The following PCDHGB1 variants were observed in gnomAD, a reference collection of about 807,000 sequenced individuals.
PCDHGB1 encodes the protein protocadherin gamma subfamily B, 1.
PCDHGB1 carries 34 observed loss-of-function variants against 56.6 expected under a neutral mutation model. That is an observed-to-expected ratio of 0.60 (90% CI 0.46 to 0.80). PCDHGB1 has a LOEUF of 0.80. PCDHGB1 is among the 30% of genes least tolerant of loss of function. The pLI, the probability that PCDHGB1 is intolerant of heterozygous loss-of-function variation, is 0.00. For synonymous variants in PCDHGB1, 561 were observed against 505.9 expected (o/e 1.11, Z -1.46); for missense variants, 1,278 against 1,204.6 (o/e 1.06, Z -0.90).
intron 1 of PCDHGB1, chr5:141,375,628 C>T (rs1771676563): frequency 1.4e-5 from 23 of 1,614,200 alleles, no homozygotes; most frequent in Non-Finnish European, 1.8e-5. Flanking sequence ...GGATTCTGTA[C>T]GCCCTGCGCT....
intron 1 of PCDHGB1, among the ~76,000 whole-genome samples, chr5:141,434,700 G>A (rs1041657389): frequency 6.6e-6 from 1 of 151,780 alleles, no homozygotes; most frequent in Non-Finnish European, 1.5e-5. Context: ...TAATAAATAT[G>A]TGGGTAAATC....
chr5:141,509,081 A>T (rs1279221589), intron 3 of PCDHGB1, among the ~76,000 whole-genome samples: 1 of 152,160 alleles, frequency 6.6e-6, no homozygotes, highest in Non-Finnish European at 1.5e-5. Context: ...GATTTGCGAC[A>T]TGAAATGGGG....
chr5:141,354,617 T>C (rs942305232), intron 1 of PCDHGB1, among the ~76,000 whole-genome samples: 1 of 152,238 alleles, frequency 6.6e-6, no homozygotes, highest in Non-Finnish European at 1.5e-5. Flanking sequence ...TGTCCCACTG[T>C]CTTTTCACTT....
At chr5:141,416,929 C>T (rs1184470714) in intron 1 of PCDHGB1, 1 of 151,960 alleles carries the variant, frequency 6.6e-6, no homozygotes. Flanking sequence ...TAGTTATTAA[C>T]TATTAAACCA....
At chr5:141,412,561 T>G (rs1183372771) in intron 1 of PCDHGB1, 3 of 152,184 alleles carry the variant, frequency 2.0e-5, no homozygotes, top group Admixed American at 6.5e-5. Context: ...TCTCATGAGT[T>G]TATTTAATAT....
intron 1 of PCDHGB1, chr5:141,403,387 C>T: frequency 6.2e-7 from 1 of 1,614,042 alleles, no homozygotes; most frequent in Non-Finnish European, 8.5e-7. Context: ...TTAACGAAAT[C>T]GCGGTTCCTG....
chr5:141,439,410 A>T (rs2098110832), intron 1 of PCDHGB1, among the ~76,000 whole-genome samples: 1 of 152,220 alleles, frequency 6.6e-6, no homozygotes, highest in African/African-American at 2.4e-5. Context: ...TGCTAACATC[A>T]CTGAGGTTAT....
rs777293240 is a variant in PCDHGB1, at chr5:141,393,034, T to A, written c.2409+40365T>A. The A allele has an allele frequency of 1.3e-5, 21 of 1,613,636 alleles. No homozygotes were observed. Among genetic ancestry groups the A allele is most frequent in the Admixed American group, 6.7e-5 (4 of 59,986 alleles). Reference sequence around the variant, plus strand: ...ATCGTCTCCAGAGGTAGGACGCAGCTCTTTGCTCTGAACCCGCGCAGCGGC... The same window carrying A: ...ATCGTCTCCAGAGGTAGGACGCAGCACTTTGCTCTGAACCCGCGCAGCGGC... On this transcript the variant is annotated intron_variant, in intron 1 of 3. Coordinates refer to ENST00000523390, the MANE Select transcript of PCDHGB1 (RefSeq NM_018922.3).
chr5:141,418,509 G>A, intron 1 of PCDHGB1: 1 of 1,613,986 alleles, frequency 6.2e-7, no homozygotes. Context: ...GCCTTAGATG[G>A]TGGGGACCCT....
At chr5:141,382,300 A>C (rs1428266380) in intron 1 of PCDHGB1, among the ~76,000 whole-genome samples, 1 of 152,240 alleles carries the variant, frequency 6.6e-6, no homozygotes, top group Non-Finnish European at 1.5e-5. Flanking sequence ...AATTAATTAA[A>C]ATTTATATAC....
At position 141,486,004 on chromosome 5, in the gene PCDHGB1, C is replaced by T; in HGVS notation, c.2410-8803C>T. The T allele has an allele frequency of 6.2e-7, 1 of 1,614,184 alleles. No homozygotes were observed. The highest frequency in any genetic ancestry group is 8.5e-7 in the Non-Finnish European group (1 of 1,180,008). The stretch of plus-strand genomic sequence containing the variant: ...CGGACCTGGGTCCCAGTGGTAACGT[C>T]ACCTTTTATTTCAGTGGTCATACCC... On this transcript the variant is annotated intron_variant, in intron 1 of 3. Coordinates refer to ENST00000523390, the MANE Select transcript of PCDHGB1 (RefSeq NM_018922.3). This position sits in a 1 kb window ranked among gnomAD's most constrained non-coding sequence, Gnocchi z 5.0.
Position 141,464,191 on chromosome 5 carries a change from G to C in PCDHGB1, c.2410-30616G>C, listed in dbSNP as rs185888723. Among the ~76,000 whole-genome samples, 583 of 151,818 alleles carry C rather than the reference G, an allele frequency of 3.8e-3. 6 individuals are homozygous for C. Among genetic ancestry groups the C allele is most frequent in the Admixed American group, 0.011 (166 of 15,202 alleles). On this transcript the variant is annotated intron_variant, in intron 1 of 3. Transcript: ENST00000523390. ...GAGGCAGGAGAATTGCTTGATTTCA[G>C]GAGGCGGAGATTGCAGTGAGCTGAG...
At chr5:141,383,733 A>T (rs770047743) in intron 1 of PCDHGB1, 2 of 1,613,886 alleles carry the variant, frequency 1.2e-6, no homozygotes, top group African/African-American at 2.7e-5. Context: ...GGGAAGTGAC[A>T]TATTCTTTTC....
At chr5:141,466,213 C>G (rs2099118871) in intron 1 of PCDHGB1, among the ~76,000 whole-genome samples, 1 of 151,958 alleles carries the variant, frequency 6.6e-6, no homozygotes, top group South Asian at 2.1e-4. Flanking sequence ...CTCTGTTACC[C>G]AGGCTGGAGT....
At chr5:141,457,560 G>A (rs1466753974) in intron 1 of PCDHGB1, among the ~76,000 whole-genome samples, 1 of 152,162 alleles carries the variant, frequency 6.6e-6, no homozygotes, top group African/African-American at 2.4e-5. Flanking sequence ...ATAAGCTTTG[G>A]AGCAAAATTT....
At position 141,356,674 on chromosome 5, in the gene PCDHGB1, G is replaced by T. The variant is rs182109278; in HGVS notation, c.2409+4005G>T. On this transcript the variant is annotated intron_variant, in intron 1 of 3. Transcript: ENST00000523390. ...CAATGCCCGAATCACTTACTCCCTG[G>T]CCGAAGACACCTTCCAGGGTGCACC... 76 of 1,613,934 alleles carry T rather than the reference G, an allele frequency of 4.7e-5. No individual in the cohort carries two copies. The East Asian group carries it at 1.6e-3, about 34-fold the overall frequency.
chr5:141,360,214 G>C (rs1164103342), intron 1 of PCDHGB1: 4 of 1,613,376 alleles, frequency 2.5e-6, no homozygotes, highest in Non-Finnish European at 3.4e-6. Context: ...TTTGTTCCCC[G>C]GGGCTCTCCC....
Position 141,491,508 on chromosome 5 carries a change from G to A in PCDHGB1, c.2410-3299G>A. The A allele has an allele frequency of 6.2e-7, 1 of 1,614,030 alleles. No individual in the cohort carries two copies. The highest frequency in any genetic ancestry group is 8.5e-7 in the Non-Finnish European group (1 of 1,180,014). The stretch of plus-strand genomic sequence containing the variant: ...ACCTGCAGGTGAGCTCGGACGGCAC[G>A]CTCAAGTACATGGAGGTGACGCTGC... On this transcript the variant is annotated intron_variant, in intron 1 of 3. Transcript: ENST00000523390. This position sits in a 1 kb window ranked among gnomAD's most constrained non-coding sequence, Gnocchi z 6.9.
chr5:141,503,781 G>A (rs1393561411), intron 2 of PCDHGB1, among the ~76,000 whole-genome samples: 1 of 152,110 alleles, frequency 6.6e-6, no homozygotes, highest in East Asian at 1.9e-4. Flanking sequence ...TTCTTAGGCT[G>A]AGTTCATCTA....
Sources: allele counts gnomAD v4.1 joint callset (sites outside exome capture counted in the v4.1 genomes callset), GRCh38; gene constraint gnomAD v4.1.1; non-coding constraint Gnocchi (gnomAD v3.1); transcripts MANE v1.5; gene names NCBI Gene and HGNC (gene_info 2026-07-23, HGNC 2026-07-21).